Variants in CFAP20DC observed in about 807,000 individuals in gnomAD.
CFAP20DC encodes CFAP20 domain containing, also known as protein CFAP20DC.
Under a neutral mutation model 101.7 loss-of-function variants are expected in CFAP20DC, and 84 were observed. The ratio of observed to expected loss-of-function variants is 0.83; its 90% CI spans 0.69 to 0.99. The LOEUF (loss-of-function observed/expected upper bound fraction) is 0.99, where lower values mean the gene tolerates loss of function less well. Ranked by LOEUF, CFAP20DC falls within the 50% of genes least tolerant of loss-of-function variation. The pLI, the probability that CFAP20DC is intolerant of heterozygous loss-of-function variation, is 0.00. For synonymous variants in CFAP20DC, 359 were observed against 351.2 expected (o/e 1.02, Z -0.25); for missense variants, 1,007 against 970.3 (o/e 1.04, Z -0.50).
At chr3:58,954,336 T>G (rs2090433205) in intron 4 of CFAP20DC, among the ~76,000 whole-genome samples, 1 of 152,182 alleles carries the variant, frequency 6.6e-6, no homozygotes, top group South Asian at 2.1e-4. Context: ...CACTTCAGGT[T>G]AGAGTGAACT....
intron 4 of CFAP20DC, among the ~76,000 whole-genome samples, chr3:58,966,474 GTATA>G (rs60270814): frequency 1.7e-5 from 2 of 114,694 alleles, no homozygotes; most frequent in African/African-American, 5.4e-5. Flanking sequence ...ATACATATGT[GTATA>G]TATATATATA....
At chr3:58,945,124 T>C (rs1272531374) in intron 4 of CFAP20DC, among the ~76,000 whole-genome samples, 1 of 152,194 alleles carries the variant, frequency 6.6e-6, no homozygotes, top group Non-Finnish European at 1.5e-5. Context: ...TTATCATCTA[T>C]TTTACAGATG....
chr3:58,981,079 C>A (rs1425586852), intron 4 of CFAP20DC, among the ~76,000 whole-genome samples: 1 of 152,052 alleles, frequency 6.6e-6, no homozygotes, highest in Non-Finnish European at 1.5e-5. Context: ...AACAGAGAGC[C>A]AAATCATGAG....
intron 5 of CFAP20DC, among the ~76,000 whole-genome samples, chr3:58,926,698 A>G (rs911476070): frequency 6.6e-6 from 1 of 152,224 alleles, no homozygotes; most frequent in African/African-American, 2.4e-5. Flanking sequence ...CCAGACTTCC[A>G]GTTTGTAATA....
At chr3:58,756,293 T>C (rs555016845) in intron 15 of CFAP20DC, among the ~76,000 whole-genome samples, 1 of 152,216 alleles carries the variant, frequency 6.6e-6, no homozygotes, top group East Asian at 1.9e-4. Flanking sequence ...ATTATGGAAG[T>C]TACCGAAAGT....
rs1220914891 is a variant in CFAP20DC, at chr3:58,964,509, T to A, written c.279-26747A>T. ...AATTCCTATCTTATCCCTTCCTTCC[T>A]CGAAGTGCTTGCTTTGGGTTTTAAG... On this transcript the variant is annotated intron_variant, in intron 4 of 16. Transcript: ENST00000482387. The surrounding 1 kb of genome is among the most constrained non-coding windows in gnomAD (Gnocchi z 4.1). 6.6e-6 allele frequency among the ~76,000 whole-genome samples: 1 copy of A among 152,230 alleles called. No homozygotes were observed. Among genetic ancestry groups the A allele is most frequent in the Non-Finnish European group, 1.5e-5 (1 of 68,036 alleles).
rs148575718 is a variant in CFAP20DC, at chr3:59,000,437, A to T, written c.278+39120T>A. 3.5e-3 allele frequency among the ~76,000 whole-genome samples: 531 copies of T among 152,346 alleles called. 3 individuals carry two copies. Among genetic ancestry groups the T allele is most frequent in the African/African-American group, 0.012 (519 of 41,588 alleles). On this transcript the variant is annotated intron_variant, in intron 4 of 16. Coordinates refer to ENST00000482387, the MANE Select transcript of CFAP20DC (RefSeq NM_001394063.1). ...GGGAATCTGAGCATGATCATGGTAA[A>T]GACAGTAATGCTTGTGTTAATTTTT...
At chr3:58,756,551 TTTG>T (rs1374295687) in intron 15 of CFAP20DC, among the ~76,000 whole-genome samples, 5 of 152,200 alleles carry the variant, frequency 3.3e-5, no homozygotes, top group East Asian at 1.9e-4. Flanking sequence ...TTTTATTACT[TTTG>T]TTGTTGTTGT....
Position 58,728,609 on chromosome 3 carries a change from C to T in CFAP20DC, c.198-10981G>A, listed in dbSNP as rs965613199. On this transcript the variant is annotated intron_variant, in intron 3 of 3. Transcript: ENST00000486145. The surrounding 1 kb of genome is among the most constrained non-coding windows in gnomAD (Gnocchi z 4.7). ...AGCTAGCACAGAATTAAGTCAGTAACTTAAAAACATAAATGAATGAATGTC... is the reference window on the plus strand; with the variant it reads ...AGCTAGCACAGAATTAAGTCAGTAATTTAAAAACATAAATGAATGAATGTC... Among the ~76,000 whole-genome samples the T allele has an allele frequency of 8.5e-5, 13 of 152,110 alleles. No homozygotes were observed. The highest frequency in any genetic ancestry group is 2.9e-4 in the African/African-American group (12 of 41,408).
chr3:58,936,799 G>A (rs934259771), intron 5 of CFAP20DC, among the ~76,000 whole-genome samples: 1 of 152,084 alleles, frequency 6.6e-6, no homozygotes, highest in African/African-American at 2.4e-5. Flanking sequence ...GGGAGGGATA[G>A]CTTTAGGAGA....
intron 4 of CFAP20DC, among the ~76,000 whole-genome samples, chr3:59,028,193 C>T (rs1445458541): frequency 6.6e-6 from 1 of 152,042 alleles, no homozygotes; most frequent in African/African-American, 2.4e-5. Context: ...GCATATGATC[C>T]TGAATAATAC....
intron 14 of CFAP20DC, among the ~76,000 whole-genome samples, chr3:58,821,694 C>G (rs1463457885): frequency 2.6e-5 from 4 of 151,198 alleles, no homozygotes; most frequent in Admixed American, 1.3e-4. Flanking sequence ...TACACTGTTG[C>G]TGGGACTGTA....
chr3:58,832,394 C>T (rs1359850318), intron 13 of CFAP20DC, among the ~76,000 whole-genome samples: 6 of 152,160 alleles, frequency 3.9e-5, no homozygotes, highest in Non-Finnish European at 8.8e-5. Flanking sequence ...CACTGCCTTT[C>T]CTAGGTCTGG....
chr3:58,849,411 T>C lies in CFAP20DC; in HGVS notation c.1594-2A>G, dbSNP rs2078020751. 1 of 1,499,354 alleles carries C rather than the reference T, an allele frequency of 6.7e-7. No individual in the cohort carries two copies. The highest frequency in any genetic ancestry group is 1.3e-5 in the South Asian group (1 of 77,652). 92.9% of individuals were successfully genotyped at this position (1,499,354 alleles called of 1,614,324 possible). A position where few individuals can be genotyped will look rare whatever the true frequency, so the allele number is the denominator to read the frequency against. On this transcript the variant is annotated splice_acceptor_variant, in intron 12 of 16. Coordinates refer to ENST00000482387, the MANE Select transcript of CFAP20DC (RefSeq NM_001394063.1). LOFTEE classifies it high-confidence loss of function. ...AGAACCCTGGATACTGTGGTTACCC[T>C]ATGTTGGGGAACAAAGTAAAAATAA...
intron 4 of CFAP20DC, among the ~76,000 whole-genome samples, chr3:58,941,280 G>T (rs962447733): frequency 2.5e-5 from 3 of 120,100 alleles, no homozygotes; most frequent in Non-Finnish European, 4.8e-5. Flanking sequence ...AGTGAGCTGA[G>T]ATTGTGCCAC....
intron 15 of CFAP20DC, among the ~76,000 whole-genome samples, chr3:58,756,774 C>T (rs2068989795): frequency 6.6e-6 from 1 of 152,080 alleles, no homozygotes; most frequent in Non-Finnish European, 1.5e-5. Flanking sequence ...AGATACATGT[C>T]TGTTTTTTAT....
chr3:58,750,247 T>C (rs1005374934), intron 16 of CFAP20DC, among the ~76,000 whole-genome samples: 1 of 152,186 alleles, frequency 6.6e-6, no homozygotes, highest in African/African-American at 2.4e-5. Flanking sequence ...TCTAGAATTA[T>C]GTATCAGGCA....
intron 5 of CFAP20DC, among the ~76,000 whole-genome samples, chr3:58,927,873 C>A (rs2086156286): frequency 6.6e-6 from 1 of 152,130 alleles, no homozygotes; most frequent in Admixed American, 6.5e-5. Flanking sequence ...AATAAGGGCT[C>A]TTTGGGAATA....
chr3:59,000,999 G>A (rs1232414568), intron 4 of CFAP20DC, among the ~76,000 whole-genome samples: 3 of 151,938 alleles, frequency 2.0e-5, no homozygotes, highest in African/African-American at 7.3e-5. Context: ...TAAATTAAAT[G>A]ATGAAAAATA....
Sources: allele counts gnomAD v4.1 joint callset (sites outside exome capture counted in the v4.1 genomes callset), GRCh38; gene constraint gnomAD v4.1.1; non-coding constraint Gnocchi (gnomAD v3.1); transcripts MANE v1.5; gene names NCBI Gene and HGNC (gene_info 2026-07-23, HGNC 2026-07-21).